The following SLC37A3 variants were observed in gnomAD, a reference collection of about 807,000 sequenced individuals.
SLC37A3 encodes the protein solute carrier family 37 member 3.
A neutral mutation model predicts 67.1 loss-of-function variants in SLC37A3; 51 were observed. The observed-to-expected ratio is 0.76, with a 90% CI of 0.61 to 0.96. The LOEUF is 0.96. SLC37A3 is among the 40% of genes least tolerant of loss of function. SLC37A3 has a pLI of 0.00. For missense variants in SLC37A3, 508 were observed against 603.0 expected (o/e 0.84, Z 1.65); for synonymous variants, 214 against 231.4 (o/e 0.92, Z 0.68).
chr7:140,335,521 G>GTA lies in SLC37A3; in HGVS notation c.1393-19_1393-18dup, dbSNP rs1456399912. The GTA allele has an allele frequency of 4.4e-6, 7 of 1,609,164 alleles. No individual in the cohort carries two copies. In the Admixed American group the frequency reaches 5.0e-5, roughly 11 times the overall value. On this transcript the variant is annotated splice_polypyrimidine_tract_variant and intron_variant, in intron 14 of 14. Coordinates refer to ENST00000326232, the MANE Select transcript of SLC37A3 (RefSeq NM_207113.3). The stretch of plus-strand genomic sequence containing the variant: ...ACAACTTGTCTGTAAAGAGAAAATA[G>GTA]TATTAAATATGCAGCAACAGTTTAC...
chr7:140,380,909 T>TTTC lies in SLC37A3; in HGVS notation c.90-520_90-519insGAA. On this transcript the variant is annotated intron_variant, in intron 2 of 14. Coordinates refer to ENST00000326232, the MANE Select transcript of SLC37A3 (RefSeq NM_207113.3). The stretch of plus-strand genomic sequence containing the variant: ...AATTCTTCTTCTTCTTTTTTTTTTT[T>TTTC]TTTTTGAGACAGAGTCTCGCTCTGT... Among the ~76,000 whole-genome samples the TTTC allele has an allele frequency of 2.0e-5, 3 of 150,160 alleles. No homozygotes were observed. In the East Asian group the frequency reaches 5.9e-4, roughly 30 times the overall value.
At chr7:140,386,544 G>C (rs1798458934) in intron 1 of SLC37A3, among the ~76,000 whole-genome samples, 1 of 151,748 alleles carries the variant, frequency 6.6e-6, no homozygotes, top group East Asian at 1.9e-4. Context: ...GGGACCCTGG[G>C]GTGTACAGGA....
intron 3 of SLC37A3, among the ~76,000 whole-genome samples, chr7:140,373,593 G>C (rs901156670): frequency 6.6e-6 from 1 of 151,852 alleles, no homozygotes; most frequent in Non-Finnish European, 1.5e-5. Context: ...AACTGAAAAG[G>C]CTACAAAAAC....
At chr7:140,362,453 C>T (rs1174703649) in intron 5 of SLC37A3, among the ~76,000 whole-genome samples, 2 of 146,934 alleles carry the variant, frequency 1.4e-5, no homozygotes, top group African/African-American at 2.5e-5. Context: ...CGGCCAGCCG[C>T]CCCGTCTGGG....
At chr7:140,355,793 G>A (rs1468941928) in intron 6 of SLC37A3, 29 bp from the exon 7 acceptor site, 1 of 1,590,862 alleles carries the variant, frequency 6.3e-7, no homozygotes, top group Non-Finnish European at 8.6e-7. Context: ...GGAGACAAAG[G>A]GCCATGGTCA....
In SLC37A3 at chr7:140,345,197, G is replaced by A. The variant is rs1455278406; in HGVS notation, c.1174+19C>T. ...TACAGAGCAACAGAAGCATGGTGGAGCAGAGCCATGTGCCGTACCTGTAAC... is the reference window on the plus strand; with the variant it reads ...TACAGAGCAACAGAAGCATGGTGGAACAGAGCCATGTGCCGTACCTGTAAC... On this transcript the variant is annotated intron_variant, in intron 12 of 14. Transcript: ENST00000326232. 1.9e-6 allele frequency: 3 copies of A among 1,608,190 alleles called. No individual in the cohort carries two copies. Among genetic ancestry groups the A allele is most frequent in the African/African-American group, 1.3e-5 (1 of 74,900 alleles).
At chr7:140,337,668 G>C in intron 13 of SLC37A3, 1 of 201,186 alleles carries the variant, frequency 5.0e-6, no homozygotes, top group Non-Finnish European at 9.9e-6. Flanking sequence ...TCCAATGAAA[G>C]GTACTATAAT....
At chr7:140,389,579 G>A (rs1798645107) in intron 1 of SLC37A3, among the ~76,000 whole-genome samples, 3 of 152,172 alleles carry the variant, frequency 2.0e-5, no homozygotes, top group South Asian at 4.1e-4. Flanking sequence ...CCGGCTCTGT[G>A]AGAACCACTG....
At chr7:140,336,394 C>A (rs555356262) in intron 14 of SLC37A3, among the ~76,000 whole-genome samples, 2 of 152,148 alleles carry the variant, frequency 1.3e-5, no homozygotes, top group East Asian at 3.9e-4. Context: ...CCACTGCACT[C>A]CAGCCTGGGT....
intron 6 of SLC37A3, among the ~76,000 whole-genome samples, chr7:140,356,907 G>A (rs922523629): frequency 2.6e-5 from 4 of 152,242 alleles, no homozygotes; most frequent in Middle Eastern, 6.8e-3. Flanking sequence ...GGAAGAGACT[G>A]CCAGTGTCTT....
intron 13 of SLC37A3, among the ~76,000 whole-genome samples, chr7:140,339,837 C>T (rs953555984): frequency 2.0e-5 from 3 of 151,060 alleles, no homozygotes; most frequent in Admixed American, 6.6e-5. Flanking sequence ...CCCGGGTTCA[C>T]GCCATTCTCC....
chr7:140,373,012 C>T (rs1478525722), intron 3 of SLC37A3, among the ~76,000 whole-genome samples: 3 of 152,130 alleles, frequency 2.0e-5, no homozygotes, highest in Non-Finnish European at 4.4e-5. Flanking sequence ...AGTGCAATGG[C>T]GCGATCTCGG....
rs1432041688 is a variant in SLC37A3, at chr7:140,335,475, T to C, written c.1422A>G (p.Pro474=). The part of the protein sequence containing the change: ...MTSCTIVFIS[P]LIVREIFSLV... The stretch of plus-strand genomic sequence containing the variant: ...GAGAGAATATTTCCCTCACTATTAA[T>C]GGCGAGATAAACACAATTGTACAAC... The change falls in exon 15 of 15, where the codon CCA becomes CCG. Residue 474 remains proline (P), a synonymous_variant. Transcript: ENST00000326232. The C allele has an allele frequency of 1.9e-6, 3 of 1,614,094 alleles. No individual in the cohort carries two copies. The highest frequency in any genetic ancestry group is 2.5e-6 in the Non-Finnish European group (3 of 1,180,030).
At chr7:140,396,951 CAGCGCTTTGGGAGGCCA>C (rs1798957339) in intron 1 of SLC37A3, among the ~76,000 whole-genome samples, 1 of 144,160 alleles carries the variant, frequency 6.9e-6, no homozygotes, top group Non-Finnish European at 1.5e-5. Context: ...CCTGTAATTA[CAGCGCTTTGGGAGGCCA>C]AGGCAGGCGG....
In SLC37A3 at chr7:140,335,300, T is replaced by C. The variant is rs749922145; in HGVS notation, c.*112A>G. ...GTGGCTGGCAGTGTTGAGAGACGCC[T>C]GACAATCCAAGATCAGGCTGGAGCT... On this transcript the variant is annotated 3_prime_UTR_variant, in exon 15 of 15. Transcript: ENST00000326232. 2 of 1,614,124 alleles carry C rather than the reference T, an allele frequency of 1.2e-6. No individual in the cohort carries two copies. Among genetic ancestry groups the C allele is most frequent in the Non-Finnish European group, 1.7e-6 (2 of 1,180,022 alleles).
At chr7:140,348,847 A>G (rs1796684269) in intron 9 of SLC37A3, 80 bp from the exon 10 acceptor site, 26 of 1,543,194 alleles carry the variant, frequency 1.7e-5, no homozygotes, top group Non-Finnish European at 2.3e-5. Flanking sequence ...TTAAAAGCAA[A>G]ACAAAATAAA....
At chr7:140,380,977 A>G in intron 2 of SLC37A3, among the ~76,000 whole-genome samples, 1 of 149,840 alleles carries the variant, frequency 6.7e-6, no homozygotes, top group Non-Finnish European at 1.5e-5. Context: ...GCTCACTGCA[A>G]ACTCAGCCTC....
chr7:140,338,286 A>C (rs929393288), intron 13 of SLC37A3, among the ~76,000 whole-genome samples: 1 of 152,066 alleles, frequency 6.6e-6, no homozygotes, highest in Non-Finnish European at 1.5e-5. Flanking sequence ...TCATCATCCA[A>C]ATAGAAACTC....
chr7:140,350,796 G>A (rs540955241), intron 9 of SLC37A3, among the ~76,000 whole-genome samples: 10 of 152,172 alleles, frequency 6.6e-5, no homozygotes, highest in African/African-American at 2.4e-4. Flanking sequence ...AAAATAAAAG[G>A]GGGCAAGGCA....
Sources: allele counts gnomAD v4.1 joint callset (sites outside exome capture counted in the v4.1 genomes callset), GRCh38; gene constraint gnomAD v4.1.1; transcripts MANE v1.5; gene names NCBI Gene and HGNC (gene_info 2026-07-23, HGNC 2026-07-21).